The following KCNQ3 variants were observed in gnomAD, a reference collection of about 807,000 sequenced individuals.
KCNQ3 encodes the protein potassium voltage-gated channel subfamily KQT member 3.
Under a neutral mutation model 92.5 loss-of-function variants are expected in KCNQ3, and 30 were observed. That is an observed-to-expected ratio of 0.32 (90% CI 0.24 to 0.44). KCNQ3 has a LOEUF of 0.44. KCNQ3 is among the 20% of genes least tolerant of loss of function. The probability of loss-of-function intolerance (pLI) is 1.00; values close to 1 mark genes in which losing one functional copy is unlikely to be tolerated. For missense variants in KCNQ3, 913 were observed against 1,140.3 expected (o/e 0.80, Z 2.87); for synonymous variants, 450 against 468.8 (o/e 0.96, Z 0.52).
chr8:132,479,327 C>T (rs1822488438), intron 1 of KCNQ3, among the ~76,000 whole-genome samples: 1 of 152,114 alleles, frequency 6.6e-6, no homozygotes, highest in African/African-American at 2.4e-5. Context: ...CAGGCCAAGC[C>T]CCTCACATTC....
rs1158471159 is a variant in KCNQ3 at position 132,132,251 on chromosome 8, C to T, written c.1813G>A (p.Val605Ile). Residue 605 changes from valine to isoleucine, a missense_variant, in exon 14 of 15, where the codon GTA (valine) becomes ATA (isoleucine). Val to Ile is a conservative substitution (Grantham distance 29). Transcript: ENST00000388996. The stretch of plus-strand genomic sequence containing the variant: ...ATTTCTGATGTGGATGGTCTGGCTA[C>T]ATATGGTTCATTCCTAAGAAGAAGC... ...SQQSPRNEPY[V>I]ARPSTSEIED... The T allele has an allele frequency of 6.2e-7, 1 of 1,612,304 alleles. No individual in the cohort carries two copies. Among genetic ancestry groups the T allele is most frequent in the African/African-American group, 1.3e-5 (1 of 74,888 alleles).
chr8:132,246,712 A>T (rs540777662), intron 1 of KCNQ3, among the ~76,000 whole-genome samples: 1 of 152,232 alleles, frequency 6.6e-6, no homozygotes, highest in African/African-American at 2.4e-5. Flanking sequence ...TCCTGCCTTT[A>T]TTTGTGCTCG....
rs535019796 is a variant in KCNQ3 at position 132,126,986 on chromosome 8, T to G, written c.*2276A>C. On this transcript the variant is annotated 3_prime_UTR_variant, in exon 15 of 15. Coordinates refer to ENST00000388996, the MANE Select transcript of KCNQ3 (RefSeq NM_004519.4). ...TTTATTGTTGGTTTCCAGTAACTCA[T>G]GTACATAAAGAAGAGCATAGTAACA... 1 of 152,162 alleles carries G rather than the reference T, an allele frequency of 6.6e-6. No homozygotes were observed. 9.4% of individuals were successfully genotyped at this position (152,162 alleles called of 1,614,324 possible).
chr8:132,261,654 G>A (rs895358443), intron 1 of KCNQ3, among the ~76,000 whole-genome samples: 9 of 152,228 alleles, frequency 5.9e-5, no homozygotes, highest in African/African-American at 2.2e-4. Context: ...ACAAGGAGGA[G>A]CAACAGCAGA....
At chr8:132,196,126 C>T (rs1031225618) in intron 1 of KCNQ3, among the ~76,000 whole-genome samples, 3 of 152,184 alleles carry the variant, frequency 2.0e-5, no homozygotes, top group African/African-American at 7.2e-5. Context: ...ATGTGGCAGG[C>T]CTTTCAAAAT....
At chr8:132,305,461 G>T (rs748018987) in intron 1 of KCNQ3, among the ~76,000 whole-genome samples, 1 of 152,020 alleles carries the variant, frequency 6.6e-6, no homozygotes, top group Non-Finnish European at 1.5e-5. Context: ...CCCCTTTTTT[G>T]AGACATTCTT....
intron 1 of KCNQ3, among the ~76,000 whole-genome samples, chr8:132,341,823 C>T (rs1818536016): frequency 6.6e-6 from 1 of 152,172 alleles, no homozygotes; most frequent in Admixed American, 6.5e-5. Flanking sequence ...ACTGCCTATA[C>T]AAAACTCTCA....
At chr8:132,359,648 T>C (rs554316619) in intron 1 of KCNQ3, among the ~76,000 whole-genome samples, 6 of 152,274 alleles carry the variant, frequency 3.9e-5, no homozygotes, top group Non-Finnish European at 5.9e-5. Flanking sequence ...AAGGTGAAAG[T>C]TCAGTTAGTG....
At chr8:132,387,063 C>T (rs1819908635) in intron 1 of KCNQ3, among the ~76,000 whole-genome samples, 1 of 152,124 alleles carries the variant, frequency 6.6e-6, no homozygotes, top group Non-Finnish European at 1.5e-5. Flanking sequence ...TATTATATCT[C>T]AATTAAAATT....
In KCNQ3 at chr8:132,129,810, C is replaced by T. The variant is rs747379988; in HGVS notation, c.2071G>A (p.Gly691Ser). 9.3e-5 allele frequency: 150 copies of T among 1,614,154 alleles called. 2 individuals are homozygous for T. The South Asian group carries it at 1.4e-3, about 15-fold the overall frequency. ...AAGCTGTAGGGTGGTTCCGGGGGGC[C>T]TGTCTCAGAATAGTTGCAGATGATG... The part of the protein sequence containing the change: ...KTIICNYSET[G>S]PPEPPYSFHQ... The change falls in exon 15 of 15, where the codon GGC becomes AGC. Residue 691 changes from glycine to serine, a missense_variant. Physicochemically the swap from Gly to Ser is moderately conservative, Grantham distance 56. Transcript: ENST00000388996. The surrounding 1 kb of genome is among the most constrained non-coding windows in gnomAD (Gnocchi z 5.9).
intron 1 of KCNQ3, among the ~76,000 whole-genome samples, chr8:132,240,437 C>T (rs1814957442): frequency 6.6e-6 from 1 of 152,192 alleles, no homozygotes; most frequent in Non-Finnish European, 1.5e-5. Context: ...CCACCTGCCT[C>T]AGTATCCCAA....
intron 1 of KCNQ3, among the ~76,000 whole-genome samples, chr8:132,244,458 C>T (rs763875401): frequency 6.6e-6 from 1 of 151,600 alleles, no homozygotes; most frequent in Admixed American, 6.6e-5. Context: ...GTAAAGGCAA[C>T]TAGTAGATGA....
intron 1 of KCNQ3, 59 bp downstream of exon 1, chr8:132,480,088 C>T: frequency 6.5e-7 from 1 of 1,532,716 alleles, no homozygotes; most frequent in Non-Finnish European, 8.9e-7. Flanking sequence ...GCTCCAGCCC[C>T]GACCCCAAGT....
intron 1 of KCNQ3, among the ~76,000 whole-genome samples, chr8:132,292,594 T>A (rs2130558849): frequency 6.6e-6 from 1 of 152,262 alleles, no homozygotes; most frequent in Middle Eastern, 3.4e-3. Context: ...GAGGAATGAA[T>A]GGGTGGATGG....
At chr8:132,444,274 G>GC (rs1335961018) in intron 1 of KCNQ3, among the ~76,000 whole-genome samples, 14 of 152,066 alleles carry the variant, frequency 9.2e-5, no homozygotes, top group African/African-American at 3.4e-4. Flanking sequence ...GCTCCCTCCT[G>GC]CCCTCCTCAC....
rs1019043967 is a variant in KCNQ3 at position 132,129,410 on chromosome 8, G to A, written c.2471C>T (p.Ser824Leu). 1.2e-6 allele frequency: 2 copies of A among 1,614,064 alleles called. No homozygotes were observed. Among genetic ancestry groups the A allele is most frequent in the Non-Finnish European group, 8.5e-7 (1 of 1,180,044 alleles). Residue 824 changes from serine to leucine, a missense_variant, in exon 15 of 15, where the codon TCG becomes TTG. Ser to Leu is a moderately radical substitution (Grantham distance 145). Coordinates refer to ENST00000388996, the MANE Select transcript of KCNQ3 (RefSeq NM_004519.4). The surrounding 1 kb of genome is among the most constrained non-coding windows in gnomAD (Gnocchi z 5.9). Reference protein sequence around the residue: ...DDYVFGPNGGSSWMREKRYLA... With the variant: ...DDYVFGPNGGLSWMREKRYLA... Reference sequence around the variant, plus strand: ...GTACCGCTTCTCCCTCATCCAGCTCGACCCCCCATTGGGGCCGAACACATA... The same window carrying A: ...GTACCGCTTCTCCCTCATCCAGCTCAACCCCCCATTGGGGCCGAACACATA...
chr8:132,418,785 C>CA (rs1320405185), intron 1 of KCNQ3, among the ~76,000 whole-genome samples: 1 of 151,836 alleles, frequency 6.6e-6, no homozygotes, highest in African/African-American at 2.4e-5. Context: ...GACTATGTCT[C>CA]AAAAAATAAA....
chr8:132,255,867 T>TG (rs1563827957), intron 1 of KCNQ3, among the ~76,000 whole-genome samples: 1 of 152,188 alleles, frequency 6.6e-6, no homozygotes, highest in Non-Finnish European at 1.5e-5. Context: ...CAACGAACCC[T>TG]GGGGGATCTA....
chr8:132,272,513 C>T (rs769719869), intron 1 of KCNQ3, among the ~76,000 whole-genome samples: 21 of 152,106 alleles, frequency 1.4e-4, no homozygotes, highest in Non-Finnish European at 2.4e-4. Flanking sequence ...AAGACATACC[C>T]GAGAGTGGGA....
Sources: gnomAD v4.1 joint callset for allele counts (sites outside exome capture counted in the v4.1 genomes callset) on GRCh38, gnomAD v4.1.1 for gene constraint, Gnocchi (gnomAD v3.1) non-coding constraint, MANE v1.5 for transcripts, NCBI Gene and HGNC (gene_info 2026-07-23, HGNC 2026-07-21) for gene names.